Variants in GRID2 observed in about 807,000 individuals in gnomAD.
The protein encoded by GRID2 is glutamate receptor ionotropic, delta-2.
A neutral mutation model predicts 114.8 loss-of-function variants in GRID2; 33 were observed. The ratio of observed to expected loss-of-function variants is 0.29; its 90% CI spans 0.22 to 0.38. The LOEUF is 0.38. Among genes scored for constraint, GRID2 ranks in the 10% least tolerant of loss-of-function variants. The pLI, the probability that GRID2 is intolerant of heterozygous loss-of-function variation, is 1.00. For synonymous variants in GRID2, 505 were observed against 449.9 expected (o/e 1.12, Z -1.55); for missense variants, 1,184 against 1,257.7 (o/e 0.94, Z 0.89).
At chr4:93,345,672 CGTTACCT>C (rs1760154995) in intron 8 of GRID2, among the ~76,000 whole-genome samples, 1 of 151,722 alleles carries the variant, frequency 6.6e-6, no homozygotes, top group Non-Finnish European at 1.5e-5. Context: ...GTTTTGTTGC[CGTTACCT>C]GTGCTTTTGT....
At chr4:93,295,610 C>T (rs76150945) in intron 8 of GRID2, among the ~76,000 whole-genome samples, 2,811 of 151,936 alleles carry the variant, frequency 0.019, 51 homozygotes, top group African/African-American at 0.049. Context: ...CTCCTCTCCC[C>T]GCTCCTCCTC....
chr4:93,082,002 T>G (rs1429977483), intron 2 of GRID2, among the ~76,000 whole-genome samples: 1 of 152,186 alleles, frequency 6.6e-6, no homozygotes, highest in Non-Finnish European at 1.5e-5. Context: ...TAGGGCCCTG[T>G]AGATCCAAAG....
chr4:93,471,698 A>ATTTTTTTTTTTTTTTTGTT (rs1724817264), intron 11 of GRID2, among the ~76,000 whole-genome samples: 23 of 60,994 alleles, frequency 3.8e-4, no homozygotes, highest in African/African-American at 1.5e-3. Context: ...CCTGAATTCA[A>ATTTTTTTTTTTTTTTTGTT]TTTTTTTTTT....
chr4:93,590,758 AG>A (rs1308279265), intron 13 of GRID2, among the ~76,000 whole-genome samples: 1 of 151,942 alleles, frequency 6.6e-6, no homozygotes, highest in Non-Finnish European at 1.5e-5. Flanking sequence ...TTCTCCTTGA[AG>A]AGGTCCTTCA....
At chr4:93,080,083 C>A (rs1015347754) in intron 2 of GRID2, among the ~76,000 whole-genome samples, 17 of 152,216 alleles carry the variant, frequency 1.1e-4, no homozygotes, top group African/African-American at 4.1e-4. Flanking sequence ...TATAGACCAT[C>A]TTCTAAATGT....
chr4:93,515,403 A>G lies in GRID2; in HGVS notation c.2185A>G (p.Ile729Val), dbSNP rs780734727. The change falls in exon 13 of 16, where the codon ATT becomes GTT. Residue 729 changes from isoleucine (I) to valine (V), a missense_variant. Transcript: ENST00000282020. ...ENNVLESQAGIQKVKYGNYAF... is the reference protein window; with the variant it reads ...ENNVLESQAGVQKVKYGNYAF... Reference sequence around the variant, plus strand: ...CAATGTTCTGGAGTCCCAGGCAGGCATTCAAAAGGTACTGTCCATGGTTCT... The same window carrying G: ...CAATGTTCTGGAGTCCCAGGCAGGCGTTCAAAAGGTACTGTCCATGGTTCT... 2 of 1,604,872 alleles carry G rather than the reference A, an allele frequency of 1.2e-6. No homozygotes were observed. The highest frequency in any genetic ancestry group is 3.3e-5 in the Admixed American group (2 of 59,928).
intron 2 of GRID2, among the ~76,000 whole-genome samples, chr4:92,649,341 G>T (rs1455540126): frequency 6.7e-6 from 1 of 150,334 alleles, no homozygotes; most frequent in African/African-American, 2.5e-5. Context: ...GTAACTCCAA[G>T]CCTGAGTGTG....
intron 8 of GRID2, among the ~76,000 whole-genome samples, chr4:93,387,502 T>C (rs1764433295): frequency 6.6e-6 from 1 of 152,142 alleles, no homozygotes; most frequent in Non-Finnish European, 1.5e-5. Flanking sequence ...GTGTTGGCTA[T>C]GTATTGAGAT....
At chr4:93,796,865 T>G (rs1734813623) in intron 1 of GRID2, among the ~76,000 whole-genome samples, 1 of 152,164 alleles carries the variant, frequency 6.6e-6, no homozygotes, top group African/African-American at 2.4e-5. Context: ...AACGTACTTG[T>G]AAAGAGTGTT....
At chr4:92,562,799 AC>A (rs1449937991) in intron 1 of GRID2, among the ~76,000 whole-genome samples, 2 of 152,164 alleles carry the variant, frequency 1.3e-5, no homozygotes, top group Non-Finnish European at 2.9e-5. Context: ...ATTTATCTTT[AC>A]TAAGGCTATA....
chr4:93,233,487 C>T (rs893677736), intron 7 of GRID2, among the ~76,000 whole-genome samples: 6 of 151,580 alleles, frequency 4.0e-5, no homozygotes, highest in African/African-American at 7.3e-5. Context: ...GGATTACAGG[C>T]GCGCACCACC....
intron 2 of GRID2, among the ~76,000 whole-genome samples, chr4:92,784,458 A>G (rs1013759787): frequency 6.6e-6 from 1 of 151,812 alleles, no homozygotes; most frequent in African/African-American, 2.4e-5. Flanking sequence ...TTTATCTAAT[A>G]TGCATTGTAT....
intron 1 of GRID2, among the ~76,000 whole-genome samples, chr4:92,327,460 A>G (rs1726658707): frequency 1.3e-5 from 2 of 152,052 alleles, no homozygotes; most frequent in African/African-American, 4.8e-5. Context: ...CATGGTAGGG[A>G]GTAACTACAC....
At chr4:92,369,205 C>G (rs972866403) in intron 1 of GRID2, among the ~76,000 whole-genome samples, 1 of 151,964 alleles carries the variant, frequency 6.6e-6, no homozygotes, top group Non-Finnish European at 1.5e-5. Context: ...TCTTTTGACT[C>G]AATGACCTAA....
intron 2 of GRID2, among the ~76,000 whole-genome samples, chr4:92,988,286 G>T (rs761900576): frequency 2.0e-5 from 3 of 152,114 alleles, no homozygotes; most frequent in Admixed American, 6.6e-5. Context: ...GGTAGGCAGG[G>T]TTTTGCTCTT....
intron 1 of GRID2, among the ~76,000 whole-genome samples, chr4:92,472,127 G>T (rs1218872772): frequency 8.3e-6 from 1 of 120,838 alleles, no homozygotes; most frequent in Non-Finnish European, 1.7e-5. Context: ...TAGAGACGGG[G>T]TTTCACCGTT....
At chr4:92,525,560 T>C (rs1725002298) in intron 1 of GRID2, among the ~76,000 whole-genome samples, 1 of 152,058 alleles carries the variant, frequency 6.6e-6, no homozygotes, top group Non-Finnish European at 1.5e-5. Context: ...AGCAGAGATT[T>C]ATACTTGAAT....
At chr4:93,077,329 T>G (rs1479476961) in intron 2 of GRID2, among the ~76,000 whole-genome samples, 1 of 152,132 alleles carries the variant, frequency 6.6e-6, no homozygotes, top group Non-Finnish European at 1.5e-5. Context: ...GAGAAAGCAA[T>G]GTAAAATATT....
chr4:93,434,660 A>G (rs1720898833), intron 10 of GRID2, among the ~76,000 whole-genome samples: 1 of 152,072 alleles, frequency 6.6e-6, no homozygotes, highest in Non-Finnish European at 1.5e-5. Flanking sequence ...TAGAGGTCCA[A>G]TTACTCTCCC....
Sources: allele counts gnomAD v4.1 joint callset (sites outside exome capture counted in the v4.1 genomes callset), GRCh38; gene constraint gnomAD v4.1.1; transcripts MANE v1.5; gene names NCBI Gene and HGNC (gene_info 2026-07-23, HGNC 2026-07-21).